Variants in LIG3 observed in about 807,000 individuals in gnomAD.
LIG3 encodes ligase II, DNA, ATP-dependent.
LIG3 carries 58 observed loss-of-function variants against 110.9 expected under a neutral mutation model. The observed-to-expected ratio is 0.52, with a 90% CI of 0.42 to 0.65. The LOEUF is 0.65. LIG3 is among the 30% of genes least tolerant of loss of function. The probability of loss-of-function intolerance (pLI) is 0.00; values close to 1 mark genes in which losing one functional copy is unlikely to be tolerated. For missense variants in LIG3, 1,094 were observed against 1,273.8 expected, an observed-to-expected ratio of 0.86 and a Z score of 2.15; for synonymous variants, 422 against 472.8, an observed-to-expected ratio of 0.89 and a Z score of 1.39.
intron 17 of LIG3, 74 bp from the exon 18 acceptor site, chr17:35,001,835 C>T: frequency 1.5e-6 from 2 of 1,369,314 alleles, no homozygotes; most frequent in Non-Finnish European, 2.0e-6. Flanking sequence ...GCCTAAAATA[C>T]ACCACACACA....
intron 9 of LIG3, among the ~76,000 whole-genome samples, chr17:34,995,482 A>C (rs548849142): frequency 3.3e-5 from 5 of 151,994 alleles, no homozygotes; most frequent in African/African-American, 1.2e-4. Flanking sequence ...CTCTCCTGTG[A>C]TTTGGGTTCT....
chr17:34,991,726 C>T lies in LIG3; in HGVS notation c.1097C>T (p.Pro366Leu). The change falls in exon 6 of 20, where the codon CCA (proline) becomes CTA (leucine). Residue 366 changes from proline (P) to leucine (L), a missense_variant. Coordinates refer to ENST00000378526, the MANE Select transcript of LIG3 (RefSeq NM_013975.4). ...VFFEQSKSFP[P>L]AAKSLLTIQE... ...TTTGAGCAGAGCAAGTCTTTCCCCC[C>T]AGCTGCCAAGAGCCTCCTTACCATC... 6.2e-7 allele frequency: 1 copy of T among 1,614,026 alleles called. No individual in the cohort carries two copies.
chr17:34,987,065 A>G (rs1183079518), intron 3 of LIG3, among the ~76,000 whole-genome samples: 2 of 152,256 alleles, frequency 1.3e-5, no homozygotes, highest in South Asian at 2.1e-4. Flanking sequence ...ACAGATGAAC[A>G]ATAAAGTGTT....
At position 34,992,960 on chromosome 17, in the gene LIG3, T is replaced by A. The variant is rs1048428691; in HGVS notation, c.1455+268T>A. 3.9e-5 allele frequency among the ~76,000 whole-genome samples: 6 copies of A among 152,268 alleles called. No individual in the cohort carries two copies. In the South Asian group the frequency reaches 6.2e-4, roughly 16 times the overall value. On this transcript the variant is annotated intron_variant, in intron 8 of 19. Coordinates refer to ENST00000378526, the MANE Select transcript of LIG3 (RefSeq NM_013975.4). ...TTAGATGAGTGACTTGCCTCTCTTGTCCTTCAGTCTCCTGTGTGGATGACG... is the reference window on the plus strand; with the variant it reads ...TTAGATGAGTGACTTGCCTCTCTTGACCTTCAGTCTCCTGTGTGGATGACG...
chr17:34,985,552 T>C (rs2090646199), intron 2 of LIG3, among the ~76,000 whole-genome samples: 1 of 152,230 alleles, frequency 6.6e-6, no homozygotes, highest in South Asian at 2.1e-4. Flanking sequence ...GAAATTTTCC[T>C]TCCTATGCTA....
rs1374169528 is a variant in LIG3, at chr17:34,991,987, T to C, written c.1238T>C (p.Ile413Thr). The C allele has an allele frequency of 1.2e-6, 2 of 1,614,102 alleles. No homozygotes were observed. Among genetic ancestry groups the C allele is most frequent in the Non-Finnish European group, 1.7e-6 (2 of 1,180,036 alleles). ...RCTANDLKCI[I>T]RLIKHDLKMN... ...ACAGCCAATGACCTTAAATGCATCA[T>C]CAGGTTGATCAAACATGATCTGAAG... The change falls in exon 7 of 20, where the codon ATC (isoleucine) becomes ACC (threonine). Residue 413 changes from isoleucine (I) to threonine (T), a missense_variant. Coordinates refer to ENST00000378526, the MANE Select transcript of LIG3 (RefSeq NM_013975.4).
intron 19 of LIG3, 48 bp downstream of exon 19, chr17:35,002,837 T>C (rs769927934): frequency 6.4e-7 from 1 of 1,572,532 alleles, no homozygotes; most frequent in Non-Finnish European, 8.7e-7. Context: ...TTAGCCCAGG[T>C]TGTGTTCCCA....
intron 1 of LIG3, among the ~76,000 whole-genome samples, chr17:34,982,186 G>C (rs541449717): frequency 6.6e-6 from 1 of 152,310 alleles, no homozygotes; most frequent in East Asian, 1.9e-4. Flanking sequence ...GTTAGGATTT[G>C]AACTCAGGCA....
chr17:34,996,528 C>T, intron 10 of LIG3, 46 bp from the exon 11 acceptor site: 1 of 1,479,568 alleles, frequency 6.8e-7, no homozygotes, highest in Non-Finnish European at 9.4e-7. Flanking sequence ...TTTTTTCACA[C>T]TGACTTTTGT....
At position 34,999,780 on chromosome 17, in the gene LIG3, A is replaced by T; in HGVS notation, c.2257-2A>T. On this transcript the variant is annotated splice_acceptor_variant, in intron 15 of 19. Transcript: ENST00000378526. LOFTEE classifies it high-confidence loss of function. ...CCCAAAGTAGCATCTTTTCTCCTCTAGGACCCCAGCAAAATACCCAGCTGG... is the reference window on the plus strand; with the variant it reads ...CCCAAAGTAGCATCTTTTCTCCTCTTGGACCCCAGCAAAATACCCAGCTGG... The T allele has an allele frequency of 6.2e-7, 1 of 1,613,614 alleles. No individual in the cohort carries two copies. The highest frequency in any genetic ancestry group is 8.5e-7 in the Non-Finnish European group (1 of 1,179,530).
At chr17:34,993,655 C>CT (rs1318225249) in intron 8 of LIG3, among the ~76,000 whole-genome samples, 5 of 152,346 alleles carry the variant, frequency 3.3e-5, no homozygotes, top group Admixed American at 6.5e-5. Context: ...CCTATTCTCT[C>CT]TAACCTTCAG....
At chr17:34,991,251 G>C in intron 5 of LIG3, 137 bp downstream of exon 5, 2 of 771,226 alleles carry the variant, frequency 2.6e-6, no homozygotes, top group Non-Finnish European at 4.1e-6. Flanking sequence ...GCAAGCTTCC[G>C]TTATAGGGGG....
chr17:34,993,953 CT>C (rs1181746197), intron 8 of LIG3, among the ~76,000 whole-genome samples: 2 of 152,186 alleles, frequency 1.3e-5, no homozygotes, highest in African/African-American at 4.8e-5. Context: ...AGCCAGAGGT[CT>C]TGCAAGGCCT....
At position 35,005,576 on chromosome 17, in the gene LIG3, T is replaced by G. The variant is rs762902546; in HGVS notation, c.*1070T>G. The G allele has an allele frequency of 5.2e-6, 3 of 579,204 alleles. No homozygotes were observed. The highest frequency in any genetic ancestry group is 1.0e-5 in the Non-Finnish European group (3 of 288,452). 35.9% of individuals were successfully genotyped at this position (579,204 alleles called of 1,614,324 possible). On this transcript the variant is annotated 3_prime_UTR_variant, in exon 20 of 20. Transcript: ENST00000378526. ...TTTGCATCCAGCTTCCTGTTTACAA[T>G]GGGAGGTTTAGGTTTCATAATGCTG...
chr17:34,998,836 TC>T, intron 14 of LIG3, 109 bp downstream of exon 14: 1 of 1,375,042 alleles, frequency 7.3e-7, no homozygotes, highest in South Asian at 1.4e-5. Context: ...AGTTATGACT[TC>T]CGAAGTCCTA....
At chr17:35,000,821 C>T (rs1305858690) in intron 16 of LIG3, among the ~76,000 whole-genome samples, 1 of 151,092 alleles carries the variant, frequency 6.6e-6, no homozygotes, top group Non-Finnish European at 1.5e-5. Flanking sequence ...ACCATGTTGG[C>T]CAGGCTGGTC....
rs779881244 is a variant in LIG3, at chr17:34,986,083, G to A, written c.643G>A (p.Ala215Thr). ...TGQVTSPVKG[A>T]SFVTSTNPRK... ...CCAGGTGACTTCTCCAGTGAAAGGC[G>A]CCTCATTTGTCACCAGTACCAATCC... is the stretch of plus-strand genomic sequence containing the variant. The change falls in exon 3 of 20, where the codon GCC becomes ACC. Residue 215 changes from alanine (A) to threonine (T), a missense_variant. By Grantham distance (58) the Ala-to-Thr change is moderately conservative (BLOSUM62 0). Coordinates refer to ENST00000378526, the MANE Select transcript of LIG3 (RefSeq NM_013975.4). The A allele has an allele frequency of 7.4e-5, 119 of 1,613,978 alleles. No homozygotes were observed. Among genetic ancestry groups the A allele is most frequent in the Admixed American group, 4.5e-4 (27 of 60,002 alleles).
chr17:34,996,765 G>A (rs2090782810), intron 11 of LIG3, 112 bp downstream of exon 11: 2 of 894,506 alleles, frequency 2.2e-6, no homozygotes, highest in Non-Finnish European at 3.6e-6. Flanking sequence ...GAACCAGCTG[G>A]CACATACGTT....
In LIG3 at chr17:35,004,792, AT is replaced by A. The variant is rs2090882208; in HGVS notation, c.*287del. On this transcript the variant is annotated 3_prime_UTR_variant, in exon 20 of 20. Transcript: ENST00000378526. ...CTTAGTTACCCTTTTTATAAATAAAATATCTTGCAGTTATCTTTGTCCTTTC... is the reference window on the plus strand; with the variant it reads ...CTTAGTTACCCTTTTTATAAATAAAAATCTTGCAGTTATCTTTGTCCTTTC... 2.5e-6 allele frequency: 1 copy of A among 398,418 alleles called. No individual in the cohort carries two copies. Among genetic ancestry groups the A allele is most frequent in the Non-Finnish European group, 4.6e-6 (1 of 219,244 alleles). 24.7% of individuals were successfully genotyped at this position (398,418 alleles called of 1,614,324 possible).
Sources: gnomAD v4.1 joint callset for allele counts (sites outside exome capture counted in the v4.1 genomes callset) on GRCh38, gnomAD v4.1.1 for gene constraint, MANE v1.5 for transcripts, NCBI Gene and HGNC (gene_info 2026-07-23, HGNC 2026-07-21) for gene names.